CDH12: variants seen among roughly 807,000 people sequenced by gnomAD.
The protein encoded by CDH12 is cadherin-12.
Under a neutral mutation model 74.1 loss-of-function variants are expected in CDH12, and 41 were observed. The observed-to-expected ratio is 0.55, with a 90% CI of 0.43 to 0.72. The LOEUF is 0.72. Ranked by LOEUF, CDH12 falls within the 30% of genes least tolerant of loss-of-function variation. CDH12 has a pLI of 0.00. For synonymous variants in CDH12, 399 were observed against 355.0 expected, an observed-to-expected ratio of 1.12 and a Z score of -1.39; for missense variants, 945 against 977.2, an observed-to-expected ratio of 0.97 and a Z score of 0.44.
chr5:22,647,615 C>A (rs902485140), intron 1 of CDH12, among the ~76,000 whole-genome samples: 2 of 151,606 alleles, frequency 1.3e-5, no homozygotes, highest in African/African-American at 4.8e-5. Context: ...GGACTTTGAT[C>A]TCATAGAATT....
At chr5:22,466,458 G>A (rs185795261) in intron 2 of CDH12, among the ~76,000 whole-genome samples, 6 of 152,288 alleles carry the variant, frequency 3.9e-5, no homozygotes, top group Admixed American at 6.5e-5. Flanking sequence ...TTGGGTTTGT[G>A]TAAGTGTATA....
intron 3 of CDH12, among the ~76,000 whole-genome samples, chr5:22,242,402 A>G (rs186964752): frequency 1.4e-4 from 21 of 152,098 alleles, no homozygotes; most frequent in Admixed American, 8.5e-4. Flanking sequence ...ATAACTCCTC[A>G]TTTTAGCTAG....
At chr5:22,145,221 A>G (rs1445803356) in intron 4 of CDH12, among the ~76,000 whole-genome samples, 1 of 152,136 alleles carries the variant, frequency 6.6e-6, no homozygotes, top group Non-Finnish European at 1.5e-5. Flanking sequence ...ATTATGTGAA[A>G]CTAACTGTGT....
chr5:22,718,812 T>C (rs1743722690), intron 1 of CDH12, among the ~76,000 whole-genome samples: 1 of 152,194 alleles, frequency 6.6e-6, no homozygotes, highest in African/African-American at 2.4e-5. Flanking sequence ...GGCATTCCTC[T>C]GTGTATTGCC....
chr5:21,800,791 T>C (rs965227714), intron 10 of CDH12, among the ~76,000 whole-genome samples: 2 of 152,182 alleles, frequency 1.3e-5, no homozygotes, highest in African/African-American at 2.4e-5. Context: ...GCTTTGCTCA[T>C]GATAGTGAGT....
At chr5:22,181,971 C>A (rs1561196400) in intron 4 of CDH12, among the ~76,000 whole-genome samples, 1 of 152,182 alleles carries the variant, frequency 6.6e-6, no homozygotes, top group Non-Finnish European at 1.5e-5. Context: ...CTCTTTCTGG[C>A]AATATCTTCT....
chr5:22,831,787 ACT>A (rs754942224), intron 1 of CDH12, among the ~76,000 whole-genome samples: 10 of 151,940 alleles, frequency 6.6e-5, no homozygotes, highest in Non-Finnish European at 1.5e-4. Flanking sequence ...AATCCAAGCT[ACT>A]CAGGAGGCTG....
intron 3 of CDH12, among the ~76,000 whole-genome samples, chr5:22,241,692 A>C (rs1319556832): frequency 6.6e-6 from 1 of 152,056 alleles, no homozygotes; most frequent in Non-Finnish European, 1.5e-5. Flanking sequence ...CTACTATCAA[A>C]ACAAATAACT....
chr5:22,794,268 G>T (rs1748073302), intron 1 of CDH12, among the ~76,000 whole-genome samples: 1 of 152,196 alleles, frequency 6.6e-6, no homozygotes, highest in Non-Finnish European at 1.5e-5. Flanking sequence ...TGGACAAACA[G>T]ACAAGGAGGT....
At chr5:22,047,415 C>T (rs1740028788) in intron 5 of CDH12, among the ~76,000 whole-genome samples, 1 of 152,076 alleles carries the variant, frequency 6.6e-6, no homozygotes, top group African/African-American at 2.4e-5. Context: ...ACCACACTTT[C>T]CATAATGACA....
In CDH12 at chr5:22,098,702, A is replaced by G. The variant is rs149304307; in HGVS notation, c.-186-19840T>C. Among the ~76,000 whole-genome samples the G allele has an allele frequency of 5.9e-3, 905 of 152,122 alleles. 21 individuals carry two copies. The East Asian group carries it at 0.074, about 12-fold the overall frequency. On this transcript the variant is annotated intron_variant, in intron 4 of 14. Coordinates refer to ENST00000382254, the MANE Select transcript of CDH12 (RefSeq NM_004061.5). ...GGCCCGGACTTCAATCCGGCCTCCC[A>G]CATTATTCCTGATACCACACCTGAC...
intron 3 of CDH12, among the ~76,000 whole-genome samples, chr5:22,359,633 C>T (rs1420333929): frequency 2.0e-5 from 3 of 152,156 alleles, no homozygotes; most frequent in Non-Finnish European, 4.4e-5. Flanking sequence ...AAACATTCTT[C>T]TCAGCACCAC....
At chr5:22,568,564 C>T (rs911178910) in intron 1 of CDH12, among the ~76,000 whole-genome samples, 7 of 151,712 alleles carry the variant, frequency 4.6e-5, no homozygotes, top group African/African-American at 1.2e-4. Flanking sequence ...AACAGAATGA[C>T]GTATATATAT....
At chr5:22,467,756 G>C (rs1911965) in intron 2 of CDH12, among the ~76,000 whole-genome samples, 65,128 of 152,028 alleles carry the variant, frequency 0.43, 14,415 homozygotes, top group Admixed American at 0.61. Context: ...TAACCAGTCT[G>C]TGTAACCAGT....
chr5:22,005,044 A>AT (rs1303127321), intron 5 of CDH12, among the ~76,000 whole-genome samples: 1 of 151,382 alleles, frequency 6.6e-6, no homozygotes, highest in South Asian at 2.1e-4. Context: ...GTATTTATTT[A>AT]TTTATTCATT....
intron 3 of CDH12, among the ~76,000 whole-genome samples, chr5:22,382,819 CATT>C (rs10567578): frequency 0.42 from 62,776 of 150,542 alleles, 14,378 homozygotes; most frequent in Non-Finnish European, 0.52. Flanking sequence ...TTCATGTTAT[CATT>C]ATTATTATTA....
intron 5 of CDH12, among the ~76,000 whole-genome samples, chr5:21,976,331 A>G (rs1444002748): frequency 2.0e-5 from 3 of 152,116 alleles, no homozygotes; most frequent in Non-Finnish European, 2.9e-5. Flanking sequence ...ACTAAAGAGT[A>G]GAGAGAATTA....
At chr5:22,724,260 T>TG (rs34596538) in intron 1 of CDH12, among the ~76,000 whole-genome samples, 41,223 of 151,586 alleles carry the variant, frequency 0.27, 6,264 homozygotes, top group South Asian at 0.35. Context: ...CAATTGTTTT[T>TG]GGGGTACAGG....
chr5:22,210,503 A>G lies in CDH12; in HGVS notation c.-187+1995T>C, dbSNP rs557425889. 4.6e-5 allele frequency among the ~76,000 whole-genome samples: 7 copies of G among 150,686 alleles called. No homozygotes were observed. The South Asian group carries it at 1.5e-3, about 32-fold the overall frequency. On this transcript the variant is annotated intron_variant, in intron 4 of 14. Coordinates refer to ENST00000382254, the MANE Select transcript of CDH12 (RefSeq NM_004061.5). ...TTTTAATTTTTTAAATTAAATTTGT[A>G]TTTTAAGTTCAGGGGTACGTATGGT...
Sources: gnomAD v4.1 joint callset for allele counts (sites outside exome capture counted in the v4.1 genomes callset) on GRCh38, gnomAD v4.1.1 for gene constraint, MANE v1.5 for transcripts, NCBI Gene and HGNC (gene_info 2026-07-23, HGNC 2026-07-21) for gene names.